RNF217: variants seen among roughly 807,000 people sequenced by gnomAD.
RNF217 encodes E3 ubiquitin-protein ligase RNF217.
A neutral mutation model predicts 57.8 loss-of-function variants in RNF217; 31 were observed. That is an observed-to-expected ratio of 0.54 (90% CI 0.40 to 0.72). RNF217 has a LOEUF of 0.72. RNF217 is among the 30% of genes least tolerant of loss of function. The pLI is 0.00. For synonymous variants in RNF217, 313 were observed against 294.0 expected (o/e 1.06, Z -0.66); for missense variants, 696 against 708.3 (o/e 0.98, Z 0.20).
At chr6:125,061,794 T>C (rs1384668329) in intron 3 of RNF217, among the ~76,000 whole-genome samples, 1 of 151,984 alleles carries the variant, frequency 6.6e-6, no homozygotes, top group Non-Finnish European at 1.5e-5. Context: ...TTTGTAAATA[T>C]GTTGCTTCTG....
chr6:125,083,851 T>G lies in RNF217; in HGVS notation c.*914T>G, dbSNP rs1204885266. On this transcript the variant is annotated 3_prime_UTR_variant, in exon 6 of 6. Transcript: ENST00000521654. ...ACAAAACTGGCTGCTTTTAGGAAAT[T>G]CTCAAGACACAAATATTCAGTCTTT... is the stretch of plus-strand genomic sequence containing the variant. 3.3e-5 allele frequency: 5 copies of G among 152,110 alleles called. No individual in the cohort carries two copies. Among genetic ancestry groups the G allele is most frequent in the African/African-American group, 4.8e-5 (2 of 41,440 alleles). The allele number at this position is 152,110 out of a possible 1,614,324, so 9.4% of individuals were successfully genotyped here.
chr6:125,039,530 A>G (rs567648224), intron 1 of RNF217, among the ~76,000 whole-genome samples: 2 of 152,276 alleles, frequency 1.3e-5, no homozygotes, highest in South Asian at 4.1e-4. Context: ...TTTCAATATT[A>G]GACAGATCAA....
intron 1 of RNF217, among the ~76,000 whole-genome samples, chr6:125,010,435 A>G (rs1396755997): frequency 1.3e-5 from 2 of 152,162 alleles, no homozygotes; most frequent in African/African-American, 4.8e-5. Context: ...CCTTACTGTA[A>G]TTCTCTTCTA....
chr6:125,036,879 TTATTTATTA>T (rs1158691331), intron 1 of RNF217, among the ~76,000 whole-genome samples: 12 of 148,638 alleles, frequency 8.1e-5, no homozygotes, highest in Admixed American at 6.8e-5. Context: ...TTATTATTTA[TTATTTATTA>T]TATTTATTAT....
intron 3 of RNF217, 41 bp downstream of exon 3, chr6:125,058,147 C>G: frequency 6.5e-7 from 1 of 1,529,626 alleles, no homozygotes; most frequent in Non-Finnish European, 8.9e-7. Flanking sequence ...ACATGTACAT[C>G]TGGATGTGAC....
chr6:125,011,205 T>C (rs185070157), intron 1 of RNF217, among the ~76,000 whole-genome samples: 22 of 152,254 alleles, frequency 1.4e-4, no homozygotes, highest in African/African-American at 4.8e-4. Context: ...TTTTAACCTT[T>C]AGGGACAGTA....
intron 1 of RNF217, among the ~76,000 whole-genome samples, chr6:124,977,148 T>C (rs913172896): frequency 6.6e-6 from 1 of 152,232 alleles, no homozygotes; most frequent in Non-Finnish European, 1.5e-5. Context: ...AGTTATTAAC[T>C]CTTTTTAAAA....
chr6:125,013,003 G>A (rs543252258), intron 1 of RNF217, among the ~76,000 whole-genome samples: 2 of 152,106 alleles, frequency 1.3e-5, no homozygotes, highest in South Asian at 2.1e-4. Flanking sequence ...CAGAAAGTTA[G>A]CATTTCTATC....
intron 3 of RNF217, among the ~76,000 whole-genome samples, chr6:125,074,129 A>G (rs1031745680): frequency 2.0e-5 from 3 of 152,140 alleles, no homozygotes. Context: ...TTGAATACAT[A>G]AAGTCCTGCC....
In RNF217 at chr6:125,076,669, C is replaced by T. The variant is rs1788386414; in HGVS notation, c.1294C>T (p.Arg432Ter). ...KCPKCKIHIQ[R>*]TEGCDHMTCS... is the part of the protein sequence containing the mutation. The stretch of plus-strand genomic sequence containing the variant: ...CTTGCTGATACAGATCCACATCCAG[C>T]GAACTGAAGGATGTGACCATATGAC... The change falls in exon 4 of 6, where the codon CGA becomes TGA. Residue 432 changes from arginine (R) to a stop codon, truncating the protein, a stop_gained. Transcript: ENST00000521654. LOFTEE classifies it high-confidence loss of function. 3.7e-6 allele frequency: 6 copies of T among 1,610,262 alleles called. No homozygotes were observed. The highest frequency in any genetic ancestry group is 1.1e-5 in the South Asian group (1 of 91,010).
chr6:125,022,577 G>T (rs1785886449), intron 1 of RNF217, among the ~76,000 whole-genome samples: 1 of 152,130 alleles, frequency 6.6e-6, no homozygotes, highest in Non-Finnish European at 1.5e-5. Context: ...TTTAAGGGAG[G>T]CTGGGCTTCT....
chr6:125,030,890 C>T (rs962209901), intron 1 of RNF217, among the ~76,000 whole-genome samples: 5 of 152,208 alleles, frequency 3.3e-5, no homozygotes, highest in East Asian at 1.9e-4. Context: ...ATTTTCCTCC[C>T]GCACTGCCCT....
At chr6:125,005,276 G>A (rs1298465359) in intron 1 of RNF217, among the ~76,000 whole-genome samples, 1 of 152,120 alleles carries the variant, frequency 6.6e-6, no homozygotes, top group Non-Finnish European at 1.5e-5. Flanking sequence ...TGGCGTCTCA[G>A]GTCAGTCAGA....
At chr6:125,042,582 CTTCGGAAA>C (rs1369368097) in intron 1 of RNF217, among the ~76,000 whole-genome samples, 1 of 151,980 alleles carries the variant, frequency 6.6e-6, no homozygotes, top group African/African-American at 2.4e-5. Flanking sequence ...GTAATATATT[CTTCGGAAA>C]TTGAATAGAT....
chr6:125,057,772 C>A (rs575446807), intron 2 of RNF217, among the ~76,000 whole-genome samples, 170 bp from the exon 3 acceptor site: 2 of 152,260 alleles, frequency 1.3e-5, no homozygotes, highest in African/African-American at 4.8e-5. Context: ...CAAAGCAATT[C>A]TTTCCTGTAG....
intron 1 of RNF217, among the ~76,000 whole-genome samples, chr6:125,013,306 T>G: frequency 6.7e-6 from 1 of 150,366 alleles, no homozygotes; most frequent in African/African-American, 2.5e-5. Context: ...AGAGGAAGGG[T>G]AGGAATAGGC....
intron 1 of RNF217, among the ~76,000 whole-genome samples, chr6:124,963,698 T>C (rs982167383): frequency 1.3e-5 from 2 of 152,342 alleles, no homozygotes; most frequent in African/African-American, 4.8e-5. Flanking sequence ...TTATTTCTTA[T>C]ACAGGATTGC....
intron 1 of RNF217, among the ~76,000 whole-genome samples, chr6:125,042,337 C>T (rs528515569): frequency 6.6e-6 from 1 of 152,140 alleles, no homozygotes; most frequent in African/African-American, 2.4e-5. Context: ...TTAAGAGACT[C>T]ATATCCATTG....
At position 125,091,540 on chromosome 6, in the gene RNF217, T is replaced by G. The variant is rs2114679591; in HGVS notation, c.*8603T>G. The G allele has an allele frequency of 6.6e-6, 1 of 152,262 alleles. No individual in the cohort carries two copies. Among genetic ancestry groups the G allele is most frequent in the South Asian group, 2.1e-4 (1 of 4,828 alleles). 9.4% of individuals were successfully genotyped at this position (152,262 alleles called of 1,614,324 possible). ...CATTGTTCATTTTTAAGCTAACCTATACAAATGGATATTAAACACCAGAAA... is the reference window on the plus strand; with the variant it reads ...CATTGTTCATTTTTAAGCTAACCTAGACAAATGGATATTAAACACCAGAAA... On this transcript the variant is annotated 3_prime_UTR_variant, in exon 6 of 6. Transcript: ENST00000521654.
Sources: allele counts gnomAD v4.1 joint callset (sites outside exome capture counted in the v4.1 genomes callset), GRCh38; gene constraint gnomAD v4.1.1; transcripts MANE v1.5; gene names NCBI Gene and HGNC (gene_info 2026-07-23, HGNC 2026-07-21).